NRG2: variants seen among roughly 807,000 people sequenced by gnomAD.
NRG2 encodes the protein neuregulin 2, also known as pro-neuregulin-2, membrane-bound isoform.
In NRG2, 27 loss-of-function variants were observed where a neutral mutation model predicts 73.9. The observed-to-expected ratio is 0.37, with a 90% CI of 0.27 to 0.50. The LOEUF (loss-of-function observed/expected upper bound fraction) is 0.50. NRG2 is among the 20% of genes least tolerant of loss of function. NRG2 has a pLI of 0.96. For missense variants in NRG2, 1,126 were observed against 1,210.1 expected (o/e 0.93, Z 1.03); for synonymous variants, 532 against 541.0 (o/e 0.98, Z 0.23).
chr5:139,847,973 T>C lies in NRG2; in HGVS notation c.2497A>G (p.Ser833Gly). 6.6e-7 allele frequency: 1 copy of C among 1,512,846 alleles called. No homozygotes were observed. The highest frequency in any genetic ancestry group is 1.4e-5 in the African/African-American group (1 of 69,058). The allele number at this position is 1,512,846 out of a possible 1,614,324, so 93.7% of individuals were successfully genotyped here. The change falls in exon 10 of 10, where the codon AGC becomes GGC. Residue 833 changes from serine to glycine, a missense_variant. Around this residue, in one of 3 missense-constraint regions of NRG2, gnomAD observed 402 missense variants for 357.8 expected, o/e 1.12. Transcript: ENST00000361474. ...SLDSHSTRAS[S>G]RHSRGPPPRA... ...GGGGGCGGCCCGCGGCTGTGTCTGC[T>C]GCTGGCCCGCGTGCTGTGGCTGTCC...
At chr5:139,998,042 C>T (rs1758154298) in intron 1 of NRG2, among the ~76,000 whole-genome samples, 1 of 152,144 alleles carries the variant, frequency 6.6e-6, no homozygotes, top group Non-Finnish European at 1.5e-5. Context: ...GCTAGGAGTC[C>T]AAAGTGAGAG....
rs1356118282 is a variant in NRG2, at chr5:139,868,498, C to T, written c.1113-2873G>A. Among the ~76,000 whole-genome samples, 4 of 152,062 alleles carry T rather than the reference C, an allele frequency of 2.6e-5. No homozygotes were observed. The highest frequency in any genetic ancestry group is 9.7e-5 in the African/African-American group (4 of 41,386). On this transcript the variant is annotated intron_variant, in intron 4 of 9. Transcript: ENST00000361474. This position sits in a 1 kb window ranked among gnomAD's most constrained non-coding sequence, Gnocchi z 4.2. ...AGCAGCGGGTAACAGCCTTCCCAGCCTTTCCCACCAGGTCATCAGTTATGA... is the reference window on the plus strand; with the variant it reads ...AGCAGCGGGTAACAGCCTTCCCAGCTTTTCCCACCAGGTCATCAGTTATGA...
rs1761059405 is a variant in NRG2, at chr5:139,847,351, G to A, written c.*566C>T. 6.6e-6 allele frequency: 1 copy of A among 151,412 alleles called. No homozygotes were observed. The highest frequency in any genetic ancestry group is 2.1e-4 in the South Asian group (1 of 4,790). 9.4% of individuals were successfully genotyped at this position (151,412 alleles called of 1,614,324 possible). A position where few individuals can be genotyped will look rare whatever the true frequency, so the allele number is the denominator to read the frequency against. ...GGTAGCTGTGTCTTTATCTCCCCCT[G>A]GAAGTTACCCCAGCTCCAGCTCCAA... is the stretch of plus-strand genomic sequence containing the variant. On this transcript the variant is annotated 3_prime_UTR_variant, in exon 10 of 10. Transcript: ENST00000361474.
chr5:139,992,753 G>A (rs1249678768), intron 1 of NRG2, among the ~76,000 whole-genome samples: 1 of 152,158 alleles, frequency 6.6e-6, no homozygotes, highest in Non-Finnish European at 1.5e-5. Context: ...CATGAAAGGA[G>A]ACAAATCAAC....
Position 139,894,992 on chromosome 5 carries a change from G to C in NRG2, c.701-7481C>G, listed in dbSNP as rs745536194. On this transcript the variant is annotated intron_variant, in intron 1 of 9. Coordinates refer to ENST00000361474, the MANE Select transcript of NRG2 (RefSeq NM_004883.3). This position sits in a 1 kb window ranked among gnomAD's most constrained non-coding sequence, Gnocchi z 5.0. ...AGAGGGGAGGCAGAAGCTGCACCAG[G>C]AGGGCAGATAAAGAAGAAGGGGAAG... Among the ~76,000 whole-genome samples, 7 of 152,238 alleles carry C rather than the reference G, an allele frequency of 4.6e-5. No individual in the cohort carries two copies. The highest frequency in any genetic ancestry group is 8.8e-5 in the Non-Finnish European group (6 of 68,038).
chr5:140,018,679 C>A (rs146536400), intron 1 of NRG2, among the ~76,000 whole-genome samples: 4 of 152,134 alleles, frequency 2.6e-5, no homozygotes, highest in South Asian at 2.1e-4. Context: ...GGACAACAAG[C>A]GCATGCCAAG....
chr5:139,938,109 T>A (rs1580772127), intron 1 of NRG2, among the ~76,000 whole-genome samples: 1 of 152,138 alleles, frequency 6.6e-6, no homozygotes, highest in East Asian at 1.9e-4. Context: ...AACTATGAAA[T>A]ATTGGTGAGA....
intron 3 of NRG2, among the ~76,000 whole-genome samples, chr5:139,877,364 C>T (rs1336806205): frequency 1.3e-5 from 2 of 152,232 alleles, no homozygotes; most frequent in South Asian, 2.1e-4. Context: ...TGATGCCACC[C>T]GAGCAGCCTG....
In NRG2 at chr5:139,876,925, C is replaced by CTGTGTGTGTGTG. The variant is rs3082489; in HGVS notation, c.991+3919_991+3930dup. 2.6e-3 allele frequency among the ~76,000 whole-genome samples: 369 copies of CTGTGTGTGTGTG among 142,006 alleles called. 1 individual carries two copies. Among genetic ancestry groups the CTGTGTGTGTGTG allele is most frequent in the South Asian group, 0.012 (48 of 4,148 alleles). The allele number at this position is 142,006 out of a possible 152,430, so 93.2% of individuals were successfully genotyped here. On this transcript the variant is annotated intron_variant, in intron 3 of 9. Transcript: ENST00000361474. Reference sequence around the variant, plus strand: ...ATGCGTGACTGACATGAATGTGCATCTGTGTGTGTGTGTGTGTGTGTGTGT... The same window carrying CTGTGTGTGTGTG: ...ATGCGTGACTGACATGAATGTGCATCTGTGTGTGTGTGTGTGTGTGTGTGTGTGTGTGTGTGT...
At chr5:140,000,830 A>ATCC in intron 1 of NRG2, among the ~76,000 whole-genome samples, 1 of 152,318 alleles carries the variant, frequency 6.6e-6, no homozygotes, top group Admixed American at 6.5e-5. Context: ...CCTAGCTTCA[A>ATCC]TCCATTCTAA....
chr5:140,030,033 C>T (rs939285306), intron 1 of NRG2, among the ~76,000 whole-genome samples: 7 of 152,178 alleles, frequency 4.6e-5, no homozygotes, highest in African/African-American at 1.4e-4. Context: ...AACTCCTCCA[C>T]AGAAAGTAAT....
chr5:140,041,774 T>C (rs1045739426), intron 1 of NRG2, among the ~76,000 whole-genome samples: 2 of 151,002 alleles, frequency 1.3e-5, no homozygotes, highest in African/African-American at 4.9e-5. Context: ...TGGAGCCACA[T>C]GGAGGACGGA....
intron 2 of NRG2, among the ~76,000 whole-genome samples, chr5:139,883,239 C>A: frequency 7.3e-6 from 1 of 137,770 alleles, no homozygotes; most frequent in Non-Finnish European, 1.6e-5. Context: ...CTCCCCCCTC[C>A]CCCCTACCTC....
chr5:139,960,674 A>G (rs1430906354), intron 1 of NRG2, among the ~76,000 whole-genome samples: 1 of 152,236 alleles, frequency 6.6e-6, no homozygotes, highest in East Asian at 1.9e-4. Flanking sequence ...CCTCTGGCTC[A>G]CAGTAAACGC....
chr5:139,891,119 C>T (rs1764185890), intron 1 of NRG2, among the ~76,000 whole-genome samples: 1 of 152,224 alleles, frequency 6.6e-6, no homozygotes, highest in Non-Finnish European at 1.5e-5. Flanking sequence ...TCCCTCCCAA[C>T]AAGATGGTGG....
intron 1 of NRG2, among the ~76,000 whole-genome samples, 186 bp downstream of exon 1, chr5:140,042,184 C>A: frequency 6.8e-6 from 1 of 147,464 alleles, no homozygotes; most frequent in South Asian, 2.3e-4. Flanking sequence ...TGAGCCTGAT[C>A]CTTCTTCTCT....
chr5:140,037,831 C>T (rs1350042241), intron 1 of NRG2, among the ~76,000 whole-genome samples: 1 of 146,270 alleles, frequency 6.8e-6, no homozygotes, highest in Non-Finnish European at 1.5e-5. Context: ...TTGCTTGAAC[C>T]AGGGAGACGG....
chr5:139,851,732 G>T lies in NRG2; in HGVS notation c.1644C>A (p.Asn548Lys), dbSNP rs772080806. 12 of 1,614,136 alleles carry T rather than the reference G, an allele frequency of 7.4e-6. No individual in the cohort carries two copies. The African/African-American group carries it at 1.5e-4, about 20-fold the overall frequency. ...CCCGGGCCTCCACACATGCTGGGCT[G>T]TTGCATTTGCTGGTACCCACTGATG... The part of the protein sequence containing the change: ...MLSSVGTSKC[N>K]SPACVEARAR... Residue 548 changes from asparagine (N) to lysine (K), a missense_variant, in exon 9 of 10, where the codon AAC becomes AAA. Around this residue, in one of 3 missense-constraint regions of NRG2, gnomAD observed 539 missense variants for 703.2 expected, o/e 0.77. Transcript: ENST00000361474. This position sits in a 1 kb window ranked among gnomAD's most constrained non-coding sequence, Gnocchi z 4.2.
chr5:139,904,364 C>T lies in NRG2; in HGVS notation c.701-16853G>A, dbSNP rs531824840. On this transcript the variant is annotated intron_variant, in intron 1 of 9. Transcript: ENST00000361474. The surrounding 1 kb of genome is among the most constrained non-coding windows in gnomAD (Gnocchi z 6.0). ...TTCCTCCCCTCTGGGTGCTTCTTGC[C>T]GCGGCCGCGGCCCCTCCTCCTGGAC... 3.8e-5 allele frequency: 61 copies of T among 1,587,530 alleles called. No individual in the cohort carries two copies. The highest frequency in any genetic ancestry group is 4.8e-5 in the Non-Finnish European group (57 of 1,175,310).
Sources: allele counts gnomAD v4.1 joint callset (sites outside exome capture counted in the v4.1 genomes callset), GRCh38; gene constraint gnomAD v4.1.1; regional missense constraint gnomAD v4.1.1; non-coding constraint Gnocchi (gnomAD v3.1); transcripts MANE v1.5; gene names NCBI Gene and HGNC (gene_info 2026-07-23, HGNC 2026-07-21).